INPP5D: variants seen among roughly 807,000 people sequenced by gnomAD.
INPP5D encodes the protein inositol polyphosphate-5-phosphatase D.
INPP5D carries 33 observed loss-of-function variants against 122.9 expected under a neutral mutation model. The ratio of observed to expected loss-of-function variants is 0.27; its 90% CI spans 0.20 to 0.36. The LOEUF (loss-of-function observed/expected upper bound fraction) is 0.36, where lower values mean the gene tolerates loss of function less well. Ranked by LOEUF, INPP5D falls within the 10% of genes least tolerant of loss-of-function variation. The pLI is 1.00. For synonymous variants in INPP5D, 584 were observed against 576.2 expected, an observed-to-expected ratio of 1.01 and a Z score of -0.19; for missense variants, 1,053 against 1,412.7, an observed-to-expected ratio of 0.75 and a Z score of 4.08.
chr2:233,107,023 A>G (rs1692484459), intron 2 of INPP5D, among the ~76,000 whole-genome samples: 1 of 151,986 alleles, frequency 6.6e-6, no homozygotes, highest in Non-Finnish European at 1.5e-5. Flanking sequence ...CATGGGCCTG[A>G]CTCCCATGGC....
intron 1 of INPP5D, among the ~76,000 whole-genome samples, chr2:233,066,250 A>C (rs908458586): frequency 1.3e-5 from 2 of 152,140 alleles, no homozygotes; most frequent in African/African-American, 4.8e-5. Flanking sequence ...CGCTGCACGC[A>C]GCCTCACATC....
intron 1 of INPP5D, among the ~76,000 whole-genome samples, chr2:233,076,988 G>C (rs562578219): frequency 6.6e-6 from 1 of 152,326 alleles, no homozygotes; most frequent in East Asian, 1.9e-4. Context: ...AAATCTCCAG[G>C]TCATTTAGCC....
In INPP5D at chr2:233,060,472, G is replaced by A. The variant is rs370750325; in HGVS notation, c.-7G>A. ...TGCCGGCCCGGCCGAGGAGGCCCAC[G>A]CCCACCATGGTCCCCTGCTGGAACC... On this transcript the variant is annotated 5_prime_UTR_variant, in exon 1 of 27. Transcript: ENST00000445964. 33 of 1,598,682 alleles carry A rather than the reference G, an allele frequency of 2.1e-5. No individual in the cohort carries two copies. Among genetic ancestry groups the A allele is most frequent in the African/African-American group, 6.7e-5 (5 of 74,654 alleles).
Position 233,198,104 on chromosome 2 carries a change from G to A in INPP5D, c.2703G>A (p.Pro901=), listed in dbSNP as rs372382890. The part of the protein sequence containing the change: ...KQWEVTSRAP[P]CSGSSITEII... ...CATGTCCTCCCTGCAGGGCCCCTCC[G>A]TGCAGTGGCTCCAGCATCACTGAAA... Residue 901 remains proline, a synonymous_variant, in exon 25 of 27, where the codon CCG becomes CCA. Coordinates refer to ENST00000445964, the MANE Select transcript of INPP5D (RefSeq NM_001017915.3). The A allele has an allele frequency of 4.8e-5, 77 of 1,602,994 alleles. No homozygotes were observed. The highest frequency in any genetic ancestry group is 1.1e-4 in the East Asian group (5 of 44,650).
At position 233,160,752 on chromosome 2, in the gene INPP5D, A is replaced by G. The variant is rs564010779; in HGVS notation, c.1138-972A>G. 2.0e-5 allele frequency among the ~76,000 whole-genome samples: 3 copies of G among 151,368 alleles called. No individual in the cohort carries two copies. Among genetic ancestry groups the G allele is most frequent in the African/African-American group, 7.3e-5 (3 of 41,232 alleles). On this transcript the variant is annotated intron_variant, in intron 10 of 26. Coordinates refer to ENST00000445964, the MANE Select transcript of INPP5D (RefSeq NM_001017915.3). The surrounding 1 kb of genome is among the most constrained non-coding windows in gnomAD (Gnocchi z 4.2). Reference sequence around the variant, plus strand: ...GGCCTCAAGTAATCCTCCCACCTCAACCTCCTAAGTTGGGAGGGACTACAG... The same window carrying G: ...GGCCTCAAGTAATCCTCCCACCTCAGCCTCCTAAGTTGGGAGGGACTACAG...
chr2:233,088,024 G>T (rs1691898006), intron 2 of INPP5D, among the ~76,000 whole-genome samples: 1 of 151,834 alleles, frequency 6.6e-6, no homozygotes, highest in African/African-American at 2.4e-5. Context: ...CCCCCATGCT[G>T]GAGTGCAATG....
rs919549801 is a variant in INPP5D, at chr2:233,121,359, A to G, written c.199-748A>G. 5.3e-5 allele frequency among the ~76,000 whole-genome samples: 8 copies of G among 151,798 alleles called. 1 individual carries two copies. Among genetic ancestry groups the G allele is most frequent in the Admixed American group, 3.9e-4 (6 of 15,240 alleles). On this transcript the variant is annotated intron_variant, in intron 2 of 26. Transcript: ENST00000445964. ...CATCATGTTGGCCAGACTGGTCTCG[A>G]ACTCCTGACTTCAAGTGATGTGCCC...
intron 2 of INPP5D, among the ~76,000 whole-genome samples, chr2:233,104,568 A>T (rs1574729039): frequency 6.6e-6 from 1 of 152,128 alleles, no homozygotes; most frequent in African/African-American, 2.4e-5. Context: ...GGGTAGGCTC[A>T]GGGAGGGATG....
intron 2 of INPP5D, among the ~76,000 whole-genome samples, chr2:233,087,161 C>A (rs1262710863): frequency 6.6e-6 from 1 of 152,110 alleles, no homozygotes; most frequent in East Asian, 1.9e-4. Flanking sequence ...TTGCAAGAGG[C>A]CACTTCGGGT....
chr2:233,200,960 C>CT (rs1307489096), intron 25 of INPP5D, among the ~76,000 whole-genome samples: 3 of 113,486 alleles, frequency 2.6e-5, no homozygotes, highest in African/African-American at 1.0e-4. Flanking sequence ...GACTCCATCT[C>CT]AAAATAAATA....
intron 1 of INPP5D, among the ~76,000 whole-genome samples, chr2:233,067,455 T>C (rs778956039): frequency 2.0e-5 from 3 of 152,234 alleles, no homozygotes; most frequent in Admixed American, 1.3e-4. Context: ...TGACAGGCAT[T>C]TGGGTTGTTT....
chr2:233,093,583 G>A (rs1229424311), intron 2 of INPP5D, among the ~76,000 whole-genome samples: 2 of 151,720 alleles, frequency 1.3e-5, no homozygotes, highest in East Asian at 3.9e-4. Flanking sequence ...AGGAGGCTAA[G>A]GCATGAGAAT....
chr2:233,060,456 G>A lies in INPP5D; in HGVS notation c.-23G>A, dbSNP rs1141328. On this transcript the variant is annotated 5_prime_UTR_variant, in exon 1 of 27. Coordinates refer to ENST00000445964, the MANE Select transcript of INPP5D (RefSeq NM_001017915.3). ...GGGTCCTGGGGGTGCCTGCCGGCCC[G>A]GCCGAGGAGGCCCACGCCCACCATG... The A allele has an allele frequency of 0.44, 700,269 of 1,577,704 alleles. 157,825 individuals carry two copies. The highest frequency in any genetic ancestry group is 0.6 in the East Asian group (25,688 of 43,128).
intron 17 of INPP5D, among the ~76,000 whole-genome samples, chr2:233,174,397 C>T (rs1053663042): frequency 6.6e-6 from 1 of 152,226 alleles, no homozygotes; most frequent in Non-Finnish European, 1.5e-5. Flanking sequence ...TTTTGTAGGA[C>T]CTCTGTCCTA....
intron 17 of INPP5D, among the ~76,000 whole-genome samples, chr2:233,175,045 C>T (rs1016611097): frequency 4.6e-5 from 7 of 151,474 alleles, no homozygotes; most frequent in Admixed American, 1.3e-4. Context: ...TGGCCAACAC[C>T]GCGAAACCCG....
intron 2 of INPP5D, among the ~76,000 whole-genome samples, chr2:233,101,683 A>G (rs1692317783): frequency 6.8e-6 from 1 of 146,054 alleles, no homozygotes; most frequent in Non-Finnish European, 1.5e-5. Flanking sequence ...TACATATTAT[A>G]TAAGTAGTAA....
At chr2:233,117,198 A>G (rs1692827166) in intron 2 of INPP5D, among the ~76,000 whole-genome samples, 1 of 152,090 alleles carries the variant, frequency 6.6e-6, no homozygotes, top group Non-Finnish European at 1.5e-5. Flanking sequence ...ATGGGGAACG[A>G]AGTGTGGCAG....
At chr2:233,086,317 T>TA (rs1439611930) in intron 2 of INPP5D, among the ~76,000 whole-genome samples, 3 of 152,024 alleles carry the variant, frequency 2.0e-5, no homozygotes, top group African/African-American at 4.8e-5. Flanking sequence ...TAGCTGGGAT[T>TA]ACAGGCACCT....
At position 233,206,995 on chromosome 2, in the gene INPP5D, C is replaced by T. The variant is rs1413214267; in HGVS notation, c.*287C>T. ...GACCCCAGTGCCTCGTTGAGGGCGC[C>T]ATTCTGAAGAAAGGAACTGCAGCGC... is the stretch of plus-strand genomic sequence containing the variant. On this transcript the variant is annotated 3_prime_UTR_variant, in exon 27 of 27. Transcript: ENST00000445964. The surrounding 1 kb of genome is among the most constrained non-coding windows in gnomAD (Gnocchi z 4.0). 2.5e-6 allele frequency: 1 copy of T among 407,880 alleles called. No homozygotes were observed. The highest frequency in any genetic ancestry group is 4.5e-6 in the Non-Finnish European group (1 of 224,574). The allele number at this position is 407,880 out of a possible 1,614,324, so 25.3% of individuals were successfully genotyped here. A position where few individuals can be genotyped will look rare whatever the true frequency, so the allele number is the denominator to read the frequency against.
Sources: allele counts gnomAD v4.1 joint callset (sites outside exome capture counted in the v4.1 genomes callset), GRCh38; gene constraint gnomAD v4.1.1; non-coding constraint Gnocchi (gnomAD v3.1); transcripts MANE v1.5; gene names NCBI Gene and HGNC (gene_info 2026-07-23, HGNC 2026-07-21).